The following CLTCL1 variants were observed in gnomAD, a reference collection of about 807,000 sequenced individuals.
The protein encoded by CLTCL1 is clathrin heavy chain like 1.
CLTCL1 carries 159 observed loss-of-function variants against 190.0 expected under a neutral mutation model. That is an observed-to-expected ratio of 0.84 (90% CI 0.74 to 0.95). The LOEUF (loss-of-function observed/expected upper bound fraction) is 0.95. Among genes scored for constraint, CLTCL1 ranks in the 40% least tolerant of loss-of-function variants. CLTCL1 has a pLI of 0.00. For missense variants in CLTCL1, 1,878 were observed against 2,033.4 expected (o/e 0.92, Z 1.47); for synonymous variants, 752 against 769.6 (o/e 0.98, Z 0.38).
At position 19,251,480 on chromosome 22, in the gene CLTCL1, C is replaced by T. The variant is rs527982644; in HGVS notation, c.519+2479G>A. ...TTTTTGTTTTGTTTTGTTTCTGAGA[C>T]GGAGTCTCGCTCTTTTGCCCAGGCC... On this transcript the variant is annotated intron_variant, in intron 3 of 32. Coordinates refer to ENST00000427926, the MANE Select transcript of CLTCL1 (RefSeq NM_007098.4). Among the ~76,000 whole-genome samples the T allele has an allele frequency of 1.1e-4, 16 of 152,228 alleles. No homozygotes were observed. In the South Asian group the frequency reaches 2.5e-3, roughly 24 times the overall value.
chr22:19,232,502 C>G lies in CLTCL1; in HGVS notation c.1618G>C (p.Glu540Gln). ...LQFSRMLVQDEEPLANISQIV... is the reference protein window; with the variant it reads ...LQFSRMLVQDQEPLANISQIV... ...TGGCTAATGTTGGCCAGCGGCTCCT[C>G]GTCCTGCACTAGCATTCGAGAAAAC... The change falls in exon 10 of 33, where the codon GAG becomes CAG. Residue 540 changes from glutamate (E) to glutamine (Q), a missense_variant. Coordinates refer to ENST00000427926, the MANE Select transcript of CLTCL1 (RefSeq NM_007098.4). 1 of 1,613,978 alleles carries G rather than the reference C, an allele frequency of 6.2e-7. No homozygotes were observed. The highest frequency in any genetic ancestry group is 8.5e-7 in the Non-Finnish European group (1 of 1,179,876).
Position 19,188,065 on chromosome 22 carries a change from A to G in CLTCL1, c.4350T>C (p.Pro1450=). The G allele has an allele frequency of 6.2e-7, 1 of 1,614,000 alleles. No homozygotes were observed. The highest frequency in any genetic ancestry group is 8.5e-7 in the Non-Finnish European group (1 of 1,179,868). The change falls in exon 28 of 33, where the codon CCT becomes CCC. Residue 1450 remains proline (P), a synonymous_variant. Coordinates refer to ENST00000427926, the MANE Select transcript of CLTCL1 (RefSeq NM_007098.4). ...TGTGGCTCTGGACTGACCGCAGGTA[A>G]GGCTTCACCAGGGGCAGCTGACCTG... The part of the protein sequence containing the change: ...SKAGQLPLVK[P]YLRSVQSHNN...
At chr22:19,277,292 AGCAT>A (rs1555983981) in intron 1 of CLTCL1, among the ~76,000 whole-genome samples, 1 of 152,178 alleles carries the variant, frequency 6.6e-6, no homozygotes, top group African/African-American at 2.4e-5. Flanking sequence ...CACTGAGACA[AGCAT>A]CTCACACACA....
At chr22:19,235,571 T>A (rs2086055849) in intron 6 of CLTCL1, 125 bp downstream of exon 6, 2 of 867,170 alleles carry the variant, frequency 2.3e-6, no homozygotes, top group Non-Finnish European at 1.8e-6. Context: ...GAGACATGGG[T>A]TTAAGTTTAA....
chr22:19,223,254 C>T (rs1173015009), intron 14 of CLTCL1, among the ~76,000 whole-genome samples: 1 of 152,122 alleles, frequency 6.6e-6, no homozygotes, highest in East Asian at 1.9e-4. Flanking sequence ...ATCATGCCTC[C>T]CCTCATGTGG....
chr22:19,278,011 T>C (rs1440908019), intron 1 of CLTCL1, among the ~76,000 whole-genome samples: 1 of 152,162 alleles, frequency 6.6e-6, no homozygotes, highest in Non-Finnish European at 1.5e-5. Flanking sequence ...ACGTTTCTCA[T>C]TTATTACAAG....
At chr22:19,194,475 C>T (rs557641734) in intron 26 of CLTCL1, among the ~76,000 whole-genome samples, 1 of 152,142 alleles carries the variant, frequency 6.6e-6, no homozygotes, top group Non-Finnish European at 1.5e-5. Context: ...GAGTGAGACT[C>T]CGTTTCAAGA....
At chr22:19,216,037 T>A in intron 19 of CLTCL1, 74 bp downstream of exon 19, 1 of 1,456,784 alleles carries the variant, frequency 6.9e-7, no homozygotes, top group Non-Finnish European at 9.4e-7. Context: ...GGTACGAGAT[T>A]GTAACAGAAG....
At chr22:19,202,992 G>T (rs533602750) in intron 22 of CLTCL1, among the ~76,000 whole-genome samples, 3 of 152,312 alleles carry the variant, frequency 2.0e-5, no homozygotes, top group Non-Finnish European at 4.4e-5. Flanking sequence ...CAAGCTTAAA[G>T]AACCACTGTT....
At chr22:19,184,350 G>A (rs1299713057) in intron 29 of CLTCL1, 1 of 407,578 alleles carries the variant, frequency 2.5e-6, no homozygotes, top group Non-Finnish European at 5.0e-6. Context: ...GGGATACCCT[G>A]TGGCGGTCCC....
At position 19,209,411 on chromosome 22, in the gene CLTCL1, C is replaced by G. The variant is rs1403052211; in HGVS notation, c.3250-297G>C. Reference sequence around the variant, plus strand: ...GTAGGACATGGGACTTGCTCCTGACCTTGGGAGGAAAGACAGTGCAACAGA... The same window carrying G: ...GTAGGACATGGGACTTGCTCCTGACGTTGGGAGGAAAGACAGTGCAACAGA... On this transcript the variant is annotated intron_variant, in intron 20 of 32. Coordinates refer to ENST00000427926, the MANE Select transcript of CLTCL1 (RefSeq NM_007098.4). 14 of 288,528 alleles carry G rather than the reference C, an allele frequency of 4.9e-5. 1 individual carries two copies. The East Asian group carries it at 8.9e-4, about 18-fold the overall frequency. The allele number at this position is 288,528 out of a possible 1,614,324, so 17.9% of individuals were successfully genotyped here.
intron 30 of CLTCL1, chr22:19,182,624 C>T (rs1410128270): frequency 3.9e-5 from 6 of 152,282 alleles, no homozygotes; most frequent in Non-Finnish European, 8.8e-5. Context: ...CTACCTCCCA[C>T]TCACCTGGGA....
intron 2 of CLTCL1, among the ~76,000 whole-genome samples, chr22:19,274,053 G>C (rs2087414763): frequency 6.6e-6 from 1 of 152,156 alleles, no homozygotes; most frequent in Admixed American, 6.6e-5. Flanking sequence ...CATTGTTAAA[G>C]AGAACTGTAC....
rs712952 is a variant in CLTCL1, at chr22:19,210,439, G to A, written c.3136C>T (p.Arg1046Cys). The change falls in exon 20 of 33, where the codon CGC becomes TGC. Residue 1046 changes from arginine to cysteine, a missense_variant. Physicochemically the swap from Arg to Cys is radical, Grantham distance 180 (BLOSUM62 -3). Coordinates refer to ENST00000427926, the MANE Select transcript of CLTCL1 (RefSeq NM_007098.4). ...DRTRVMEYIS[R>C]LDNYDALDIA... The stretch of plus-strand genomic sequence containing the variant: ...TCCAGTGCGTCATAGTTGTCCAGGC[G>A]GCTGATGTACTCCATGACCCGTGTG... The A allele has an allele frequency of 0.065, 105,649 of 1,613,798 alleles. 3,696 individuals carry two copies. Among genetic ancestry groups the A allele is most frequent in the Middle Eastern group, 0.11 (652 of 6,058 alleles).
intron 2 of CLTCL1, among the ~76,000 whole-genome samples, chr22:19,255,977 G>A (rs1555972252): frequency 6.6e-6 from 1 of 151,650 alleles, no homozygotes; most frequent in African/African-American, 2.4e-5. Context: ...TTTAACAAAG[G>A]GTAAGCAAAG....
chr22:19,217,518 A>G (rs1555950110), intron 18 of CLTCL1, among the ~76,000 whole-genome samples: 1 of 146,256 alleles, frequency 6.8e-6, no homozygotes, highest in Non-Finnish European at 1.5e-5. Flanking sequence ...CGGGAGGCTG[A>G]GGCAGAAGAA....
chr22:19,246,108 G>A lies in CLTCL1; in HGVS notation c.520-3172C>T, dbSNP rs368268641. 4.5e-4 allele frequency among the ~76,000 whole-genome samples: 69 copies of A among 152,202 alleles called. 1 individual carries two copies. Among genetic ancestry groups the A allele is most frequent in the African/African-American group, 1.6e-3 (67 of 41,528 alleles). On this transcript the variant is annotated intron_variant, in intron 3 of 32. Coordinates refer to ENST00000427926, the MANE Select transcript of CLTCL1 (RefSeq NM_007098.4). Reference sequence around the variant, plus strand: ...GGAGTCTCCCTCTGTCATTTAGGCTGGAGTGCAGTGGTGCGATCTTGGCTC... The same window carrying A: ...GGAGTCTCCCTCTGTCATTTAGGCTAGAGTGCAGTGGTGCGATCTTGGCTC...
At chr22:19,214,268 G>A (rs1555948470) in intron 19 of CLTCL1, among the ~76,000 whole-genome samples, 1 of 152,196 alleles carries the variant, frequency 6.6e-6, no homozygotes, top group African/African-American at 2.4e-5. Flanking sequence ...CACTGATTAG[G>A]AGAGTGGGGT....
At position 19,209,036 on chromosome 22, in the gene CLTCL1, G is replaced by A; in HGVS notation, c.3328C>T (p.Gln1110Ter). ...ERCNEPAVWS[Q>*]LAQAQLQKDL... The stretch of plus-strand genomic sequence containing the variant: ...TTCTGGAGCTGGGCTTGGGCCAGCT[G>A]ACTCCACACAGCAGGCTCATTGCAT... Residue 1110 changes from glutamine to a stop codon, truncating the protein, a stop_gained, in exon 21 of 33, where the codon CAG becomes TAG. Coordinates refer to ENST00000427926, the MANE Select transcript of CLTCL1 (RefSeq NM_007098.4). LOFTEE classifies it high-confidence loss of function. 1 of 1,611,004 alleles carries A rather than the reference G, an allele frequency of 6.2e-7. No individual in the cohort carries two copies. Among genetic ancestry groups the A allele is most frequent in the Non-Finnish European group, 8.5e-7 (1 of 1,178,638 alleles).
Sources: allele counts gnomAD v4.1 joint callset (sites outside exome capture counted in the v4.1 genomes callset), GRCh38; gene constraint gnomAD v4.1.1; transcripts MANE v1.5; gene names NCBI Gene and HGNC (gene_info 2026-07-23, HGNC 2026-07-21).